CHCHD3: variants seen among roughly 807,000 people sequenced by gnomAD.
The protein encoded by CHCHD3 is coiled-coil-helix-coiled-coil-helix domain containing 3, also known as MICOS complex subunit MIC19.
In CHCHD3, 20 loss-of-function variants were observed where a neutral mutation model predicts 38.2. The observed-to-expected ratio is 0.52, with a 90% CI of 0.37 to 0.76. The LOEUF is 0.76. CHCHD3 is among the 30% of genes least tolerant of loss of function. CHCHD3 has a pLI of 0.00. For synonymous variants in CHCHD3, 82 were observed against 100.0 expected (o/e 0.82, Z 1.07); for missense variants, 245 against 279.2 (o/e 0.88, Z 0.87).
At chr7:133,074,154 T>A (rs1220374021) in intron 1 of CHCHD3, among the ~76,000 whole-genome samples, 1 of 152,338 alleles carries the variant, frequency 6.6e-6, no homozygotes, top group South Asian at 2.1e-4. Flanking sequence ...TTCCACTAGA[T>A]TGCAAGCTCC....
In CHCHD3 at chr7:133,012,967, C is replaced by A. The variant is rs573407843; in HGVS notation, c.251+11579G>T. Among the ~76,000 whole-genome samples, 3 of 151,844 alleles carry A rather than the reference C, an allele frequency of 2.0e-5. No homozygotes were observed. In the East Asian group the frequency reaches 5.8e-4, roughly 30 times the overall value. ...TTGGGAGGTCAAGGTGGGTGGATCACCTGGGGTCAGGAGTTTGAGACCAGC... is the reference window on the plus strand; with the variant it reads ...TTGGGAGGTCAAGGTGGGTGGATCAACTGGGGTCAGGAGTTTGAGACCAGC... On this transcript the variant is annotated intron_variant, in intron 3 of 7. Transcript: ENST00000262570.
intron 5 of CHCHD3, among the ~76,000 whole-genome samples, chr7:132,868,047 G>A (rs1231495254): frequency 1.3e-5 from 2 of 152,096 alleles, no homozygotes; most frequent in Admixed American, 1.3e-4. Context: ...GACAAGCTAG[G>A]TTTAATCCTT....
intron 3 of CHCHD3, among the ~76,000 whole-genome samples, chr7:133,020,114 C>T (rs1417880541): frequency 6.6e-6 from 1 of 152,012 alleles, no homozygotes; most frequent in Non-Finnish European, 1.5e-5. Flanking sequence ...TTCGTGTGTG[C>T]ACTAATCTAT....
In CHCHD3 at chr7:132,967,373, C is replaced by T. The variant is rs191712394; in HGVS notation, c.369+7796G>A. Among the ~76,000 whole-genome samples, 215 of 152,198 alleles carry T rather than the reference C, an allele frequency of 1.4e-3. 3 individuals carry two copies. The highest frequency in any genetic ancestry group is 0.014 in the Admixed American group (212 of 15,278). On this transcript the variant is annotated intron_variant, in intron 4 of 7. Coordinates refer to ENST00000262570, the MANE Select transcript of CHCHD3 (RefSeq NM_017812.4). ...CAACACCGTGTTGACTGGATAGGCC[C>T]CCAGAGTCTTGGCAGTGAGTTCTCC...
At chr7:133,076,568 C>A (rs2117552163) in intron 1 of CHCHD3, among the ~76,000 whole-genome samples, 1 of 152,286 alleles carries the variant, frequency 6.6e-6, no homozygotes, top group South Asian at 2.1e-4. Flanking sequence ...TGGTACTCAC[C>A]ACACCAATGT....
chr7:132,921,991 A>G (rs1476932178), intron 4 of CHCHD3, among the ~76,000 whole-genome samples: 1 of 152,264 alleles, frequency 6.6e-6, no homozygotes, highest in African/African-American at 2.4e-5. Flanking sequence ...GAAACAGTCC[A>G]TAAGAAGTGC....
chr7:133,003,767 T>C (rs28577101), intron 3 of CHCHD3, among the ~76,000 whole-genome samples: 4,424 of 152,240 alleles, frequency 0.029, 226 homozygotes, highest in African/African-American at 0.1. Flanking sequence ...CCTGTTCTAT[T>C]ACTACAAACA....
chr7:133,005,683 G>A (rs1166986387), intron 3 of CHCHD3, among the ~76,000 whole-genome samples: 2 of 152,150 alleles, frequency 1.3e-5, no homozygotes, highest in African/African-American at 2.4e-5. Context: ...AAAAATGAAG[G>A]AATGGTCAAA....
chr7:132,993,764 C>G (rs1407807605), intron 3 of CHCHD3, among the ~76,000 whole-genome samples: 4 of 152,142 alleles, frequency 2.6e-5, no homozygotes, highest in African/African-American at 9.7e-5. Flanking sequence ...ACATGAAAAC[C>G]AAAAGGTTAT....
At chr7:132,951,811 G>C (rs967685075) in intron 4 of CHCHD3, among the ~76,000 whole-genome samples, 4 of 152,134 alleles carry the variant, frequency 2.6e-5, no homozygotes, top group Non-Finnish European at 4.4e-5. Flanking sequence ...ATGCCATCTT[G>C]ATTTCAGAGG....
chr7:132,869,640 G>A (rs1346990928), intron 5 of CHCHD3, among the ~76,000 whole-genome samples: 4 of 152,168 alleles, frequency 2.6e-5, no homozygotes, highest in Non-Finnish European at 5.9e-5. Context: ...AGGCTGGAGT[G>A]CAGCGACATA....
intron 3 of CHCHD3, among the ~76,000 whole-genome samples, chr7:132,984,596 G>A (rs1207909118): frequency 4.0e-5 from 6 of 149,562 alleles, no homozygotes; most frequent in East Asian, 2.0e-4. Flanking sequence ...CTGCCCGGCC[G>A]CCATCCCATC....
At chr7:132,940,267 T>C (rs1810732298) in intron 4 of CHCHD3, among the ~76,000 whole-genome samples, 1 of 152,168 alleles carries the variant, frequency 6.6e-6, no homozygotes, top group South Asian at 2.1e-4. Flanking sequence ...TTAACACCTC[T>C]CAGCACACAG....
At chr7:132,972,884 T>C in intron 4 of CHCHD3, 1 of 985,432 alleles carries the variant, frequency 1.0e-6, no homozygotes, top group Non-Finnish European at 1.2e-6. Context: ...GGCCAGTTTC[T>C]CATGCTTCAC....
chr7:132,927,005 C>T (rs1010426402), intron 4 of CHCHD3, among the ~76,000 whole-genome samples: 3 of 152,080 alleles, frequency 2.0e-5, no homozygotes, highest in African/African-American at 4.8e-5. Flanking sequence ...ATAAGCAGCT[C>T]TCTATTATGG....
chr7:132,824,314 C>CTT lies in CHCHD3; in HGVS notation c.524+14083_524+14084dup, dbSNP rs57262694. On this transcript the variant is annotated intron_variant, in intron 6 of 7. Transcript: ENST00000262570. ...AAAAATATTCCCAAGTAGTAGAACT[C>CTT]TTTTTTTTTTTTTTTTTTTTTTGAG... Among the ~76,000 whole-genome samples the CTT allele has an allele frequency of 7.6e-3, 685 of 90,044 alleles. 10 individuals carry two copies. Among genetic ancestry groups the CTT allele is most frequent in the African/African-American group, 9.9e-3 (233 of 23,498 alleles). The allele number at this position is 90,044 out of a possible 152,430, so 59.1% of individuals were successfully genotyped here.
intron 3 of CHCHD3, among the ~76,000 whole-genome samples, chr7:132,978,690 A>T (rs1192999102): frequency 6.6e-6 from 1 of 152,222 alleles, no homozygotes; most frequent in Non-Finnish European, 1.5e-5. Flanking sequence ...GATGTGGCAC[A>T]TCTGTGATAT....
chr7:132,964,312 G>T (rs1399876277), intron 4 of CHCHD3, among the ~76,000 whole-genome samples: 1 of 152,232 alleles, frequency 6.6e-6, no homozygotes, highest in Non-Finnish European at 1.5e-5. Context: ...GCCGGGCACA[G>T]TGGCTCATGC....
intron 3 of CHCHD3, among the ~76,000 whole-genome samples, chr7:133,009,193 T>C (rs1000643214): frequency 6.6e-6 from 1 of 151,376 alleles, no homozygotes; most frequent in African/African-American, 2.4e-5. Context: ...TGACACCCCA[T>C]CTCTATTAAA....
Sources: gnomAD v4.1 joint callset for allele counts (sites outside exome capture counted in the v4.1 genomes callset) on GRCh38, gnomAD v4.1.1 for gene constraint, MANE v1.5 for transcripts, NCBI Gene and HGNC (gene_info 2026-07-23, HGNC 2026-07-21) for gene names.